KCNH7: variants seen among roughly 807,000 people sequenced by gnomAD.
KCNH7 encodes potassium voltage-gated channel subfamily H member 7.
A neutral mutation model predicts 120.8 loss-of-function variants in KCNH7; 49 were observed. That is an observed-to-expected ratio of 0.41 (90% CI 0.32 to 0.51). The LOEUF is 0.51. Ranked by LOEUF, KCNH7 falls within the 20% of genes least tolerant of loss-of-function variation. The probability of loss-of-function intolerance (pLI) is 0.38; values close to 1 mark genes in which losing one functional copy is unlikely to be tolerated. For synonymous variants in KCNH7, 547 were observed against 516.1 expected (o/e 1.06, Z -0.81); for missense variants, 1,097 against 1,446.6 (o/e 0.76, Z 3.92).
intron 2 of KCNH7, among the ~76,000 whole-genome samples, chr2:162,697,206 T>C (rs575919825): frequency 6.6e-6 from 1 of 152,210 alleles, no homozygotes; most frequent in South Asian, 2.1e-4. Context: ...ACCCATAATT[T>C]TGCCAGAGGG....
chr2:162,449,242 G>T (rs928520020), intron 6 of KCNH7, among the ~76,000 whole-genome samples: 4 of 151,922 alleles, frequency 2.6e-5, no homozygotes, highest in African/African-American at 9.7e-5. Flanking sequence ...CTGTACTTTA[G>T]GTCAACCTTC....
chr2:162,416,887 T>C (rs1687557387), intron 9 of KCNH7, among the ~76,000 whole-genome samples: 2 of 152,168 alleles, frequency 1.3e-5, no homozygotes, highest in African/African-American at 2.4e-5. Context: ...TTTAGGTATA[T>C]CTGGCATGAA....
intron 2 of KCNH7, among the ~76,000 whole-genome samples, chr2:162,719,783 TA>T: frequency 6.6e-6 from 1 of 151,836 alleles, no homozygotes; most frequent in Non-Finnish European, 1.5e-5. Context: ...AACAAACAAA[TA>T]AACAAAATAA....
At chr2:162,679,572 A>G (rs950167728) in intron 2 of KCNH7, among the ~76,000 whole-genome samples, 1 of 151,728 alleles carries the variant, frequency 6.6e-6, no homozygotes, top group Non-Finnish European at 1.5e-5. Flanking sequence ...AGAGTTAAAT[A>G]CAGAATAACA....
Position 162,520,231 on chromosome 2 carries a change from C to A in KCNH7, c.464-2073G>T, listed in dbSNP as rs144540247. On this transcript the variant is annotated intron_variant, in intron 3 of 15. Coordinates refer to ENST00000332142, the MANE Select transcript of KCNH7 (RefSeq NM_033272.4). ...TCATATAAGCCTGAGACTTGAGGAC[C>A]ATTCTAGATACTGTTCTCTCTCTTC... 1.3e-4 allele frequency among the ~76,000 whole-genome samples: 19 copies of A among 146,032 alleles called. No homozygotes were observed. The East Asian group carries it at 3.7e-3, about 28-fold the overall frequency.
chr2:162,606,225 T>A (rs911399693), intron 2 of KCNH7, among the ~76,000 whole-genome samples: 2 of 152,094 alleles, frequency 1.3e-5, no homozygotes, highest in African/African-American at 4.8e-5. Context: ...AATTTTTGTC[T>A]GCTACTGAGT....
chr2:162,836,564 C>T lies in KCNH7; in HGVS notation c.280G>A (p.Val94Met). ...QALLGSEERK[V>M]EVTYYHKNGS... ...TTTTTGTGATAGTAGGTGACCTCCACTTTCCTCTCTTCTGACCCCAGCAAT... is the reference window on the plus strand; with the variant it reads ...TTTTTGTGATAGTAGGTGACCTCCATTTTCCTCTCTTCTGACCCCAGCAAT... The change falls in exon 2 of 16, where the codon GTG becomes ATG. Residue 94 changes from valine (V) to methionine (M), a missense_variant. This residue lies in a region of KCNH7 where 362 missense variants were observed against 372.2 expected (regional missense o/e 0.97). Transcript: ENST00000332142. 2 of 1,614,068 alleles carry T rather than the reference C, an allele frequency of 1.2e-6. No individual in the cohort carries two copies. The highest frequency in any genetic ancestry group is 1.3e-5 in the African/African-American group (1 of 75,028).
intron 9 of KCNH7, among the ~76,000 whole-genome samples, chr2:162,410,968 T>C (rs1432901133): frequency 6.6e-6 from 1 of 152,102 alleles, no homozygotes; most frequent in Non-Finnish European, 1.5e-5. Flanking sequence ...GGTGAGGTTG[T>C]GGAGAAGAGT....
At chr2:162,668,204 G>T (rs1028338845) in intron 2 of KCNH7, among the ~76,000 whole-genome samples, 1 of 152,162 alleles carries the variant, frequency 6.6e-6, no homozygotes, top group African/African-American at 2.4e-5. Flanking sequence ...ACTATTATCT[G>T]AACTTGACAG....
At chr2:162,643,306 A>T (rs975523578) in intron 2 of KCNH7, among the ~76,000 whole-genome samples, 1 of 152,056 alleles carries the variant, frequency 6.6e-6, no homozygotes, top group African/African-American at 2.4e-5. Context: ...ATTTATCAGA[A>T]CCTATTTGCA....
chr2:162,483,274 A>C (rs1334133992), intron 6 of KCNH7, among the ~76,000 whole-genome samples: 2 of 152,202 alleles, frequency 1.3e-5, no homozygotes, highest in African/African-American at 4.8e-5. Flanking sequence ...AATATTTGTC[A>C]TTATAATCCC....
chr2:162,670,429 T>TACCACTCC (rs1379584386), intron 2 of KCNH7, among the ~76,000 whole-genome samples: 1 of 112,040 alleles, frequency 8.9e-6, no homozygotes, highest in African/African-American at 3.6e-5. Context: ...GCTGAGATCA[T>TACCACTCC]ACCACTCCAC....
At chr2:162,671,807 G>T (rs1489831696) in intron 2 of KCNH7, among the ~76,000 whole-genome samples, 6 of 152,016 alleles carry the variant, frequency 3.9e-5, no homozygotes, top group Non-Finnish European at 8.8e-5. Context: ...AAGGAAAGCT[G>T]ATATAGCTGT....
rs992757603 is a variant in KCNH7, at chr2:162,707,128, G to A, written c.307+129409C>T. Reference sequence around the variant, plus strand: ...TCTGTGGATTTGGAAAGTAAAGAAAGACAACACAAATTGGTGTAACTATAA... The same window carrying A: ...TCTGTGGATTTGGAAAGTAAAGAAAAACAACACAAATTGGTGTAACTATAA... On this transcript the variant is annotated intron_variant, in intron 2 of 15. Coordinates refer to ENST00000332142, the MANE Select transcript of KCNH7 (RefSeq NM_033272.4). Among the ~76,000 whole-genome samples, 12 of 152,164 alleles carry A rather than the reference G, an allele frequency of 7.9e-5. No homozygotes were observed. In the East Asian group the frequency reaches 1.7e-3, roughly 22 times the overall value.
chr2:162,382,171 A>G (rs914376846), intron 13 of KCNH7, among the ~76,000 whole-genome samples: 1 of 152,106 alleles, frequency 6.6e-6, no homozygotes, highest in Non-Finnish European at 1.5e-5. Flanking sequence ...ACAATGGTGA[A>G]TCACATGCAA....
intron 3 of KCNH7, among the ~76,000 whole-genome samples, chr2:162,528,900 T>C (rs556629177): frequency 7.1e-4 from 108 of 152,038 alleles, no homozygotes; most frequent in African/African-American, 2.4e-3. Flanking sequence ...GGCTAGCCTT[T>C]GGTTGGGAGA....
intron 2 of KCNH7, among the ~76,000 whole-genome samples, chr2:162,554,083 A>G (rs1437849575): frequency 6.6e-6 from 1 of 152,202 alleles, no homozygotes; most frequent in African/African-American, 2.4e-5. Context: ...GTTTACAGGG[A>G]ACAAAGAAAA....
intron 2 of KCNH7, among the ~76,000 whole-genome samples, chr2:162,599,386 G>A (rs1438549743): frequency 6.6e-6 from 1 of 152,032 alleles, no homozygotes; most frequent in Non-Finnish European, 1.5e-5. Flanking sequence ...AGGCAAAGCT[G>A]TAAGTTAACA....
intron 2 of KCNH7, among the ~76,000 whole-genome samples, chr2:162,736,194 A>G (rs1221631171): frequency 6.6e-6 from 1 of 152,244 alleles, no homozygotes; most frequent in Non-Finnish European, 1.5e-5. Flanking sequence ...TGGCACACTG[A>G]CTAAAAATCC....
Sources: gnomAD v4.1 joint callset for allele counts (sites outside exome capture counted in the v4.1 genomes callset) on GRCh38, gnomAD v4.1.1 for gene constraint, gnomAD v4.1.1 regional missense constraint, MANE v1.5 for transcripts, NCBI Gene and HGNC (gene_info 2026-07-23, HGNC 2026-07-21) for gene names.